The following CHIA variants were observed in gnomAD, a reference collection of about 807,000 sequenced individuals.
The protein encoded by CHIA is acidic mammalian chitinase.
Under a neutral mutation model 53.5 loss-of-function variants are expected in CHIA, and 47 were observed. The ratio of observed to expected loss-of-function variants is 0.88; its 90% CI spans 0.70 to 1.12. CHIA has a LOEUF of 1.12. Ranked by LOEUF, CHIA falls within the 50% of genes most tolerant of loss-of-function variation. CHIA has a pLI of 0.00. For synonymous variants in CHIA, 268 were observed against 222.2 expected (o/e 1.21, Z -1.83); for missense variants, 652 against 592.2 (o/e 1.10, Z -1.05).
At chr1:111,294,250 A>G (rs1389486202) in intron 1 of CHIA, among the ~76,000 whole-genome samples, 2 of 152,226 alleles carry the variant, frequency 1.3e-5, no homozygotes, top group African/African-American at 2.4e-5. Flanking sequence ...ACAGCAGGCT[A>G]TAGTTTTCAT....
chr1:111,302,107 C>T (rs912727960), intron 1 of CHIA, among the ~76,000 whole-genome samples: 2 of 152,056 alleles, frequency 1.3e-5, no homozygotes, highest in Non-Finnish European at 2.9e-5. Flanking sequence ...AGTAATGTCC[C>T]CATTTTTATT....
In CHIA at chr1:111,320,292, C is replaced by T; in HGVS notation, c.1257C>T (p.Ser419=). The change falls in exon 12 of 12, where the codon AGC becomes AGT. Residue 419 remains serine, a synonymous_variant. Transcript: ENST00000369740. ...GCGGGAACGGGAGCGGGAGTAGCAG[C>T]TCTGGAGGCAGCTCGGGAGGCAGTG... ...SGSGNGSGSS[S]SGGSSGGSGF... is the part of the protein sequence containing the mutation. The T allele has an allele frequency of 6.2e-7, 1 of 1,614,234 alleles. No individual in the cohort carries two copies.
intron 1 of CHIA, among the ~76,000 whole-genome samples, chr1:111,298,403 C>T (rs1286659399): frequency 6.6e-6 from 1 of 152,126 alleles, no homozygotes; most frequent in African/African-American, 2.4e-5. Context: ...TCTCTAAGAC[C>T]ACAGCGCAAT....
Position 111,318,062 on chromosome 1 carries a change from C to T in CHIA, c.682C>T (p.Leu228Phe). 1 of 1,613,974 alleles carries T rather than the reference C, an allele frequency of 6.2e-7. No homozygotes were observed. Residue 228 changes from leucine (L) to phenylalanine (F), a missense_variant, in exon 8 of 12, where the codon CTC becomes TTC. Leu to Phe is a conservative substitution (Grantham distance 22). Coordinates refer to ENST00000369740, the MANE Select transcript of CHIA (RefSeq NM_201653.4). Reference protein sequence around the residue: ...WEGYTGENSPLYKYPTDTGSN... With the variant: ...WEGYTGENSPFYKYPTDTGSN... ...GGGCTACACTGGAGAGAACAGCCCC[C>T]TCTACAAATACCCGACTGACACCGG...
At position 111,318,022 on chromosome 1, in the gene CHIA, C is replaced by T; in HGVS notation, c.642C>T (p.Leu214=). 1 of 1,614,178 alleles carries T rather than the reference C, an allele frequency of 6.2e-7. No individual in the cohort carries two copies. The highest frequency in any genetic ancestry group is 8.5e-7 in the Non-Finnish European group (1 of 1,180,028). Residue 214 remains leucine (L), a synonymous_variant, in exon 8 of 12, where the codon CTC becomes CTT. Transcript: ENST00000369740. ...LDYIHVMTYD[L]HGSWEGYTGE... ...ACATCCATGTCATGACCTACGACCT[C>T]CATGGCTCCTGGGAGGGCTACACTG...
Position 111,311,683 on chromosome 1 carries a change from A to G in CHIA, c.26-6A>G. The G allele has an allele frequency of 6.2e-7, 1 of 1,613,914 alleles. No individual in the cohort carries two copies. The highest frequency in any genetic ancestry group is 1.3e-5 in the African/African-American group (1 of 74,984). ...TTCAAAGTACATGCTTTTTCTTTCTATCCAGGTCTTGTCCTTATACTGAAT... is the reference window on the plus strand; with the variant it reads ...TTCAAAGTACATGCTTTTTCTTTCTGTCCAGGTCTTGTCCTTATACTGAAT... On this transcript the variant is annotated splice_polypyrimidine_tract_variant and splice_region_variant and intron_variant, in intron 2 of 11. Transcript: ENST00000369740.
chr1:111,295,797 C>T (rs970259737), intron 1 of CHIA, among the ~76,000 whole-genome samples: 7 of 152,252 alleles, frequency 4.6e-5, no homozygotes, highest in Non-Finnish European at 8.8e-5. Context: ...GAGGATTTCC[C>T]TTTCCTAGCC....
intron 6 of CHIA, 116 bp downstream of exon 6, chr1:111,315,551 C>A: frequency 9.2e-7 from 1 of 1,083,110 alleles, no homozygotes; most frequent in Non-Finnish European, 1.3e-6. Flanking sequence ...AGAATATTAG[C>A]ATTGCAAAGA....
chr1:111,295,625 G>T (rs1661290246), intron 1 of CHIA, among the ~76,000 whole-genome samples: 2 of 150,558 alleles, frequency 1.3e-5, no homozygotes, highest in African/African-American at 4.9e-5. Context: ...TGAGGTACCG[G>T]GTTCATCTCA....
Position 111,312,168 on chromosome 1 carries a change from C to T in CHIA, c.56-22C>T, listed in dbSNP as rs748020999. ...AGTGGATCCTAAACCAGGCCATTGT[C>T]CCTCCTGCTGACTACACACAGGCTC... On this transcript the variant is annotated intron_variant, in intron 3 of 11. Coordinates refer to ENST00000369740, the MANE Select transcript of CHIA (RefSeq NM_201653.4). 3.7e-6 allele frequency: 6 copies of T among 1,601,438 alleles called. No individual in the cohort carries two copies. The Admixed American group carries it at 5.0e-5, about 13-fold the overall frequency.
chr1:111,315,429 G>C lies in CHIA; in HGVS notation c.474G>C (p.Leu158=), dbSNP rs146460083. 1,124 of 1,612,088 alleles carry C rather than the reference G, an allele frequency of 7.0e-4. 20 individuals carry two copies. The East Asian group carries it at 0.015, about 21-fold the overall frequency. The change falls in exon 6 of 12, where the codon CTG becomes CTC. Residue 158 remains leucine, a synonymous_variant. Transcript: ENST00000369740. ...AGGACAAGCATCTCTTCACTGTCCTGGTGCAGGTGGGGAAGGAAGTCCCAG... is the reference window on the plus strand; with the variant it reads ...AGGACAAGCATCTCTTCACTGTCCTCGTGCAGGTGGGGAAGGAAGTCCCAG... ...PPQDKHLFTV[L]VQEMREAFEQ... is the part of the protein sequence containing the mutation.
At chr1:111,313,484 T>C (rs1648876106) in intron 4 of CHIA, among the ~76,000 whole-genome samples, 1 of 152,180 alleles carries the variant, frequency 6.6e-6, no homozygotes, top group Non-Finnish European at 1.5e-5. Context: ...TGGCCCATTT[T>C]TTAATCAGGT....
chr1:111,307,696 C>T (rs1408250064), intron 1 of CHIA, among the ~76,000 whole-genome samples: 1 of 151,080 alleles, frequency 6.6e-6, no homozygotes, highest in African/African-American at 2.4e-5. Context: ...AGCTGGAGTG[C>T]AATGGCACTA....
At position 111,318,613 on chromosome 1, in the gene CHIA, C is replaced by T. The variant is rs563717656; in HGVS notation, c.850C>T (p.Pro284Ser). 3.7e-6 allele frequency: 6 copies of T among 1,614,176 alleles called. No individual in the cohort carries two copies. The Admixed American group carries it at 6.7e-5, about 18-fold the overall frequency. Residue 284 changes from proline to serine, a missense_variant, in exon 9 of 12, where the codon CCC (proline) becomes TCC (serine). Pro to Ser is a moderately conservative substitution (Grantham distance 74). Transcript: ENST00000369740. ...CCCCTCCAACACTGGAATTGGTGCC[C>T]CCACCTCTGGTGCTGGTCCTGCTGG... ...SNPSNTGIGA[P>S]TSGAGPAGPY...
At chr1:111,311,658 T>A (rs200059404) in intron 2 of CHIA, 31 bp from the exon 3 acceptor site, 1 of 1,613,608 alleles carries the variant, frequency 6.2e-7, no homozygotes, top group East Asian at 2.2e-5. Flanking sequence ...AGACAATCGG[T>A]TCAAAGTACA....
chr1:111,317,440 A>G, intron 6 of CHIA: 1 of 407,594 alleles, frequency 2.5e-6, no homozygotes, highest in Non-Finnish European at 4.6e-6. Context: ...TGACCTACCT[A>G]CTAACTCAGT....
At chr1:111,304,398 A>G (rs1162491538) in intron 1 of CHIA, among the ~76,000 whole-genome samples, 2 of 152,010 alleles carry the variant, frequency 1.3e-5, no homozygotes, top group Non-Finnish European at 2.9e-5. Context: ...GGCTTTTCAC[A>G]TGTCCTTTAG....
chr1:111,301,891 C>G (rs1241073228), intron 1 of CHIA, among the ~76,000 whole-genome samples: 1 of 151,846 alleles, frequency 6.6e-6, no homozygotes, highest in Non-Finnish European at 1.5e-5. Context: ...ATATCACACA[C>G]CAGGGCCTGT....
At chr1:111,313,744 GT>G (rs1342573028) in intron 4 of CHIA, among the ~76,000 whole-genome samples, 5 of 151,824 alleles carry the variant, frequency 3.3e-5, no homozygotes, top group African/African-American at 1.2e-4. Context: ...TTTTTTTAAG[GT>G]TTTCTTTCAG....
Sources: gnomAD v4.1 joint callset for allele counts (sites outside exome capture counted in the v4.1 genomes callset) on GRCh38, gnomAD v4.1.1 for gene constraint, MANE v1.5 for transcripts, NCBI Gene and HGNC (gene_info 2026-07-23, HGNC 2026-07-21) for gene names.